The following ADGRL3 variants were observed in gnomAD, a reference collection of about 807,000 sequenced individuals.
The protein encoded by ADGRL3 is adhesion G protein-coupled receptor L3, also known as calcium-independent alpha-latrotoxin receptor 3.
A neutral mutation model predicts 153.5 loss-of-function variants in ADGRL3; 62 were observed. That is an observed-to-expected ratio of 0.40 (90% CI 0.33 to 0.50). The LOEUF is 0.50. Among genes scored for constraint, ADGRL3 ranks in the 20% least tolerant of loss-of-function variants. The pLI is 0.47. For synonymous variants in ADGRL3, 710 were observed against 672.5 expected (o/e 1.06, Z -0.86); for missense variants, 1,641 against 1,859.4 (o/e 0.88, Z 2.16).
chr4:61,435,156 A>G lies in ADGRL3; in HGVS notation c.-174+51967A>G, dbSNP rs1207567849. Among the ~76,000 whole-genome samples the G allele has an allele frequency of 3.9e-5, 6 of 152,090 alleles. No homozygotes were observed. The South Asian group carries it at 1.2e-3, about 31-fold the overall frequency. ...TCAGTAACACATATTGTCATATATA[A>G]TTATGATATTTTGGTAAATTTTTAT... On this transcript the variant is annotated intron_variant, in intron 2 of 26. Transcript: ENST00000683033.
chr4:61,769,731 G>A (rs541119368), intron 8 of ADGRL3, among the ~76,000 whole-genome samples: 24 of 151,746 alleles, frequency 1.6e-4, no homozygotes, highest in Non-Finnish European at 2.5e-4. Context: ...GTTCTCTGGC[G>A]GGTAGGAGTG....
chr4:61,794,097 C>T (rs535971791), intron 8 of ADGRL3, among the ~76,000 whole-genome samples: 1 of 152,246 alleles, frequency 6.6e-6, no homozygotes, highest in African/African-American at 2.4e-5. Flanking sequence ...CAGACATAGT[C>T]GTAGTGGGTA....
At chr4:61,728,015 G>T (rs951827757) in intron 6 of ADGRL3, among the ~76,000 whole-genome samples, 6 of 152,072 alleles carry the variant, frequency 3.9e-5, no homozygotes, top group African/African-American at 1.4e-4. Flanking sequence ...GAAGCTTCTA[G>T]AATCAGAATT....
At chr4:61,626,889 A>G (rs1001024180) in intron 5 of ADGRL3, among the ~76,000 whole-genome samples, 4 of 152,130 alleles carry the variant, frequency 2.6e-5, no homozygotes, top group African/African-American at 9.6e-5. Flanking sequence ...GAGGTAGTGC[A>G]CAGTTGTAGT....
intron 8 of ADGRL3, among the ~76,000 whole-genome samples, chr4:61,736,583 G>T (rs1419806558): frequency 6.6e-6 from 1 of 152,150 alleles, no homozygotes; most frequent in South Asian, 2.1e-4. Flanking sequence ...CCTTGAACCT[G>T]GGAGGCGGAG....
chr4:61,398,618 C>A (rs991847167), intron 2 of ADGRL3, among the ~76,000 whole-genome samples: 1 of 151,342 alleles, frequency 6.6e-6, no homozygotes, highest in African/African-American at 2.4e-5. Flanking sequence ...TTTTGCTGAC[C>A]ATTCCATCCT....
intron 2 of ADGRL3, among the ~76,000 whole-genome samples, chr4:61,416,328 GA>G (rs1221963263): frequency 6.6e-5 from 10 of 151,486 alleles, no homozygotes; most frequent in African/African-American, 7.3e-5. Flanking sequence ...ATGCCTATTA[GA>G]AAAAAAATTA....
In ADGRL3 at chr4:61,745,735, G is replaced by C. The variant is rs181290795; in HGVS notation, c.1399+12181G>C. ...CACTAAACATGGAAAGGAACAACTG[G>C]TACCAGCCACTGCAAAATCATGCCA... On this transcript the variant is annotated intron_variant, in intron 8 of 26. Coordinates refer to ENST00000683033, the MANE Select transcript of ADGRL3 (RefSeq NM_001387552.1). Among the ~76,000 whole-genome samples, 838 of 152,250 alleles carry C rather than the reference G, an allele frequency of 5.5e-3. 10 individuals are homozygous for C. Among genetic ancestry groups the C allele is most frequent in the African/African-American group, 0.018 (768 of 41,518 alleles).
At chr4:61,935,759 T>A (rs1433881105) in intron 14 of ADGRL3, among the ~76,000 whole-genome samples, 164 bp from the exon 15 acceptor site, 2 of 152,338 alleles carry the variant, frequency 1.3e-5, no homozygotes, top group African/African-American at 4.8e-5. Flanking sequence ...TGCATTATTT[T>A]GATAAAATAC....
chr4:61,454,552 A>T (rs1381995034), intron 2 of ADGRL3, among the ~76,000 whole-genome samples: 1 of 152,154 alleles, frequency 6.6e-6, no homozygotes, highest in Admixed American at 6.6e-5. Context: ...GATAGTTAAC[A>T]TGAATAAATC....
intron 2 of ADGRL3, among the ~76,000 whole-genome samples, chr4:61,399,862 G>A (rs2096909641): frequency 6.6e-6 from 1 of 151,682 alleles, no homozygotes; most frequent in Admixed American, 6.6e-5. Flanking sequence ...AGATGTTAAG[G>A]TAGACAAGAA....
At chr4:61,261,550 A>G (rs1219377723) in intron 1 of ADGRL3, among the ~76,000 whole-genome samples, 8 of 152,218 alleles carry the variant, frequency 5.3e-5, no homozygotes, top group Admixed American at 3.3e-4. Flanking sequence ...TTGTATTTTG[A>G]CATCTGCCAG....
intron 1 of ADGRL3, among the ~76,000 whole-genome samples, chr4:61,309,259 G>A (rs1377537006): frequency 1.3e-5 from 2 of 152,038 alleles, no homozygotes; most frequent in Admixed American, 6.6e-5. Flanking sequence ...TTCAATATCC[G>A]AGGTCAGGAC....
rs1746277483 is a variant in ADGRL3 at position 62,073,476 on chromosome 4, G to C, written c.*2568G>C. 1 of 152,026 alleles carries C rather than the reference G, an allele frequency of 6.6e-6. No homozygotes were observed. The highest frequency in any genetic ancestry group is 2.1e-4 in the South Asian group (1 of 4,834). The allele number at this position is 152,026 out of a possible 1,614,324, so 9.4% of individuals were successfully genotyped here. On this transcript the variant is annotated 3_prime_UTR_variant, in exon 27 of 27. Coordinates refer to ENST00000683033, the MANE Select transcript of ADGRL3 (RefSeq NM_001387552.1). The stretch of plus-strand genomic sequence containing the variant: ...AAGAATCCTTTTTAGATGTGTTTAT[G>C]GTAACTTCAGAAACACAAATGTGGT...
chr4:61,913,297 T>TATAA (rs2098730481), intron 13 of ADGRL3, among the ~76,000 whole-genome samples: 1 of 152,172 alleles, frequency 6.6e-6, no homozygotes, highest in Non-Finnish European at 1.5e-5. Context: ...TGTTCTAATT[T>TATAA]GTAAGCATGT....
At chr4:61,755,668 G>T (rs1167823130) in intron 8 of ADGRL3, among the ~76,000 whole-genome samples, 5 of 152,076 alleles carry the variant, frequency 3.3e-5, no homozygotes, top group African/African-American at 1.2e-4. Context: ...CATTGCTTTT[G>T]GTGTTTTAGA....
chr4:61,493,011 A>G (rs1040152236), intron 2 of ADGRL3, among the ~76,000 whole-genome samples: 1 of 152,024 alleles, frequency 6.6e-6, no homozygotes, highest in African/African-American at 2.4e-5. Context: ...TTTTATAAGA[A>G]AAGAAATTTG....
At chr4:61,316,202 A>G (rs2095207163) in intron 1 of ADGRL3, among the ~76,000 whole-genome samples, 2 of 152,326 alleles carry the variant, frequency 1.3e-5, no homozygotes, top group African/African-American at 2.4e-5. Flanking sequence ...TAAGGCCCAA[A>G]TGATATGAAA....
At chr4:61,719,025 G>C (rs1024933326) in intron 6 of ADGRL3, among the ~76,000 whole-genome samples, 4 of 152,106 alleles carry the variant, frequency 2.6e-5, no homozygotes, top group African/African-American at 9.7e-5. Flanking sequence ...GTTTCTATTT[G>C]TTTTAATTTA....
Sources: allele counts gnomAD v4.1 joint callset (sites outside exome capture counted in the v4.1 genomes callset), GRCh38; gene constraint gnomAD v4.1.1; transcripts MANE v1.5; gene names NCBI Gene and HGNC (gene_info 2026-07-23, HGNC 2026-07-21).